MARCHF6: variants seen among roughly 807,000 people sequenced by gnomAD.
The protein encoded by MARCHF6 is membrane associated ring-CH-type finger 6.
In MARCHF6, 31 loss-of-function variants were observed where a neutral mutation model predicts 133.7. The ratio of observed to expected loss-of-function variants is 0.23; its 90% CI spans 0.17 to 0.31. The LOEUF (loss-of-function observed/expected upper bound fraction) is 0.31. MARCHF6 is among the 10% of genes least tolerant of loss of function. MARCHF6 has a pLI of 1.00. For missense variants in MARCHF6, 723 were observed against 1,121.6 expected (o/e 0.64, Z 5.08); for synonymous variants, 395 against 402.5 (o/e 0.98, Z 0.22).
In MARCHF6 at chr5:10,362,596, A is replaced by T. The variant is rs149331673; in HGVS notation, c.19+8679A>T. Among the ~76,000 whole-genome samples, 433 of 152,378 alleles carry T rather than the reference A, an allele frequency of 2.8e-3. 2 individuals carry two copies. Among genetic ancestry groups the T allele is most frequent in the Admixed American group, 0.011 (163 of 15,310 alleles). On this transcript the variant is annotated intron_variant, in intron 1 of 25. Coordinates refer to ENST00000274140, the MANE Select transcript of MARCHF6 (RefSeq NM_005885.4). ...AATATATGTTAATAAAAATAACGTT[A>T]TCTGGATTATTATAAGACAATTGGA...
intron 10 of MARCHF6, 111 bp from the exon 11 acceptor site, chr5:10,400,673 G>A (rs1738474211): frequency 2.5e-6 from 2 of 795,498 alleles, no homozygotes; most frequent in African/African-American, 1.7e-5. Context: ...GCCTAGTTCT[G>A]GAATCTTTCA....
At chr5:10,397,586 T>G (rs1486391699) in intron 10 of MARCHF6, among the ~76,000 whole-genome samples, 1 of 152,170 alleles carries the variant, frequency 6.6e-6, no homozygotes, top group Non-Finnish European at 1.5e-5. Flanking sequence ...TGGGTTTTTT[T>G]TTTGTAGAAG....
At chr5:10,364,324 T>C (rs1460253234) in intron 1 of MARCHF6, among the ~76,000 whole-genome samples, 2 of 152,178 alleles carry the variant, frequency 1.3e-5, no homozygotes, top group African/African-American at 2.4e-5. Flanking sequence ...TGGGCAGTTA[T>C]GCAGAGGGAG....
chr5:10,358,567 T>C (rs1735622505), intron 1 of MARCHF6, among the ~76,000 whole-genome samples: 2 of 152,236 alleles, frequency 1.3e-5, no homozygotes, highest in Admixed American at 1.3e-4. Context: ...TATGTTATAA[T>C]TATTCTAAGT....
chr5:10,377,744 T>C, intron 1 of MARCHF6, 54 bp from the exon 2 acceptor site: 1 of 1,336,592 alleles, frequency 7.5e-7, no homozygotes, highest in Non-Finnish European at 1.1e-6. Context: ...TGTTTCTTGC[T>C]TTTTTAAAAA....
At chr5:10,373,369 A>G (rs1165354185) in intron 1 of MARCHF6, among the ~76,000 whole-genome samples, 2 of 152,168 alleles carry the variant, frequency 1.3e-5, no homozygotes, top group African/African-American at 4.8e-5. Context: ...ACCATTCGCT[A>G]GCTGGCCATC....
At chr5:10,407,359 A>G (rs1334104013) in intron 17 of MARCHF6, among the ~76,000 whole-genome samples, 157 bp downstream of exon 17, 1 of 152,108 alleles carries the variant, frequency 6.6e-6, no homozygotes, top group African/African-American at 2.4e-5. Flanking sequence ...ATTATTTTTT[A>G]AATTAAATTT....
chr5:10,391,344 G>A (rs1737817867), intron 6 of MARCHF6, among the ~76,000 whole-genome samples, 198 bp from the exon 7 acceptor site: 1 of 151,558 alleles, frequency 6.6e-6, no homozygotes, highest in Non-Finnish European at 1.5e-5. Context: ...TGCTGGCCAG[G>A]CTGGTCTTGA....
intron 10 of MARCHF6, among the ~76,000 whole-genome samples, chr5:10,398,533 A>C (rs1233593309): frequency 6.6e-6 from 1 of 150,848 alleles, no homozygotes; most frequent in Non-Finnish European, 1.5e-5. Flanking sequence ...TTTATTTTTC[A>C]TTATGTAAAA....
intron 24 of MARCHF6, among the ~76,000 whole-genome samples, chr5:10,427,107 C>T (rs984657493): frequency 2.4e-4 from 36 of 152,214 alleles, no homozygotes; most frequent in African/African-American, 8.7e-4. Context: ...AGTCAGAAAC[C>T]TTGAAGGCTA....
In MARCHF6 at chr5:10,439,973, C is replaced by T. The variant is rs1740796910; in HGVS notation, c.*6289C>T. The T allele has an allele frequency of 6.6e-6, 1 of 152,244 alleles. No individual in the cohort carries two copies. Among genetic ancestry groups the T allele is most frequent in the African/African-American group, 2.4e-5 (1 of 41,460 alleles). 9.4% of individuals were successfully genotyped at this position (152,244 alleles called of 1,614,324 possible). ...CATTTCTTTCCTGAAGTGTCATTCT[C>T]ACTGAGGCTTATCTAAAGCTGCAGC... On this transcript the variant is annotated 3_prime_UTR_variant, in exon 26 of 26. Coordinates refer to ENST00000274140, the MANE Select transcript of MARCHF6 (RefSeq NM_005885.4).
intron 22 of MARCHF6, among the ~76,000 whole-genome samples, chr5:10,420,300 G>A (rs1014425353): frequency 1.3e-5 from 2 of 152,196 alleles, no homozygotes; most frequent in Non-Finnish European, 2.9e-5. Flanking sequence ...CAAGGGAAGA[G>A]GACATAGACC....
chr5:10,385,309 T>G (rs900543139), intron 4 of MARCHF6, among the ~76,000 whole-genome samples: 1 of 152,184 alleles, frequency 6.6e-6, no homozygotes, highest in Non-Finnish European at 1.5e-5. Flanking sequence ...ACTTAAGATT[T>G]ATGTAAAATA....
chr5:10,392,432 A>G (rs1311234411), intron 7 of MARCHF6, among the ~76,000 whole-genome samples: 2 of 152,318 alleles, frequency 1.3e-5, no homozygotes, highest in South Asian at 2.1e-4. Context: ...CTTGAAGTTT[A>G]TACTGCAGAC....
chr5:10,402,137 C>A lies in MARCHF6; in HGVS notation c.1051C>A (p.His351Asn). The A allele has an allele frequency of 6.3e-7, 1 of 1,588,392 alleles. No homozygotes were observed. The highest frequency in any genetic ancestry group is 1.1e-5 in the South Asian group (1 of 89,644). ...TTTAGCAATAACACTGATAATTTGTCATGTATCCTTTAATGAACCAACTTG... is the reference window on the plus strand; with the variant it reads ...TTTAGCAATAACACTGATAATTTGTAATGTATCCTTTAATGAACCAACTTG... The part of the protein sequence containing the change: ...ILLAITLIIC[H>N]GLATLVKFHR... Residue 351 changes from histidine (H) to asparagine (N), a missense_variant and splice_region_variant, in exon 12 of 26, where the codon CAT becomes AAT. Around this residue, in one of 4 missense-constraint regions of MARCHF6, gnomAD observed 492 missense variants for 699.5 expected, o/e 0.70. Transcript: ENST00000274140.
At chr5:10,403,712 G>A (rs1310644280) in intron 15 of MARCHF6, among the ~76,000 whole-genome samples, 171 bp downstream of exon 15, 4 of 152,106 alleles carry the variant, frequency 2.6e-5, no homozygotes, top group African/African-American at 9.7e-5. Flanking sequence ...ACTTTAAACT[G>A]TTTCAGTTGT....
chr5:10,406,749 A>C (rs1465167673), intron 16 of MARCHF6, among the ~76,000 whole-genome samples: 1 of 152,166 alleles, frequency 6.6e-6, no homozygotes, highest in East Asian at 1.9e-4. Context: ...AGCCATTAAC[A>C]TGGGGCAAGT....
intron 9 of MARCHF6, among the ~76,000 whole-genome samples, chr5:10,396,309 G>T (rs1437551994): frequency 1.3e-5 from 2 of 152,140 alleles, no homozygotes; most frequent in African/African-American, 4.8e-5. Context: ...ACAAAAGAGG[G>T]TTTGATTAGG....
rs1000885833 is a variant in MARCHF6, at chr5:10,435,319, G to A, written c.*1635G>A. 2 of 151,618 alleles carry A rather than the reference G, an allele frequency of 1.3e-5. No individual in the cohort carries two copies. The highest frequency in any genetic ancestry group is 1.9e-4 in the East Asian group (1 of 5,158). The allele number at this position is 151,618 out of a possible 1,614,324, so 9.4% of individuals were successfully genotyped here. ...ATCGGGAGCTGCGGTGGCTCCGGCC[G>A]GTTGTCCTGGCACACAAGGAGGCGA... is the stretch of plus-strand genomic sequence containing the variant. On this transcript the variant is annotated 3_prime_UTR_variant, in exon 26 of 26. Transcript: ENST00000274140.
Sources: allele counts gnomAD v4.1 joint callset (sites outside exome capture counted in the v4.1 genomes callset), GRCh38; gene constraint gnomAD v4.1.1; regional missense constraint gnomAD v4.1.1; transcripts MANE v1.5; gene names NCBI Gene and HGNC (gene_info 2026-07-23, HGNC 2026-07-21).